PASD1: variants seen among roughly 807,000 people sequenced by gnomAD.
PASD1 encodes circadian clock protein PASD1.
Under a neutral mutation model 58.8 loss-of-function variants are expected in PASD1, and 13 were observed. That is an observed-to-expected ratio of 0.22 (90% confidence interval 0.14 to 0.35). The LOEUF (loss-of-function observed/expected upper bound fraction) is 0.35. PASD1 is among the 10% of genes least tolerant of loss of function. PASD1 has a pLI of 1.00. For synonymous variants in PASD1, 236 were observed against 216.7 expected, an observed-to-expected ratio of 1.09 and a Z score of -0.78; for missense variants, 734 against 568.3, an observed-to-expected ratio of 1.29 and a Z score of -2.96.
chrX:151,565,230 A>G (rs953642674), intron 1 of PASD1, among the ~76,000 whole-genome samples: 1 of 112,386 alleles, frequency 8.9e-6, no homozygotes, highest in Non-Finnish European at 1.9e-5. Flanking sequence ...ACTGAGGGGT[A>G]AAGACACTCA....
chrX:151,602,477 C>T (rs2013430934), intron 2 of PASD1, among the ~76,000 whole-genome samples: 1 of 110,777 alleles, frequency 9.0e-6, no homozygotes, highest in East Asian at 2.9e-4. Flanking sequence ...GGTGGATCAC[C>T]TGAGGTCAGG....
chrX:151,664,474 T>C, intron 11 of PASD1, 126 bp downstream of exon 11: 1 of 1,052,607 alleles, frequency 9.5e-7, no homozygotes, highest in Non-Finnish European at 1.3e-6. Flanking sequence ...TTTTCAAAAC[T>C]ATATCACTAT....
chrX:151,592,679 G>A (rs183015891), intron 1 of PASD1, among the ~76,000 whole-genome samples: 1 of 111,250 alleles, frequency 9.0e-6, no homozygotes, highest in African/African-American at 3.3e-5. Context: ...ATATTTGAGG[G>A]GTTTCCAGAT....
chrX:151,655,103 G>T (rs1470430980), intron 9 of PASD1, among the ~76,000 whole-genome samples: 2 of 111,221 alleles, frequency 1.8e-5, no homozygotes, highest in African/African-American at 6.5e-5. Context: ...AACATGCGGT[G>T]TTTGGTTTTT....
chrX:151,598,432 A>C (rs772261619), intron 1 of PASD1, among the ~76,000 whole-genome samples: 4 of 111,407 alleles, frequency 3.6e-5, no homozygotes, highest in African/African-American at 1.3e-4. Flanking sequence ...TGATTTATCC[A>C]GATTGGGTCA....
intron 1 of PASD1, among the ~76,000 whole-genome samples, chrX:151,588,105 G>A (rs923216589): frequency 4.5e-5 from 5 of 111,662 alleles, no homozygotes; most frequent in African/African-American, 1.6e-4. Context: ...TTGATGAAAT[G>A]TGCCATAATG....
At chrX:151,623,131 C>T in intron 7 of PASD1, 67 bp downstream of exon 7, 4 of 1,140,209 alleles carry the variant, frequency 3.5e-6, no homozygotes, top group Non-Finnish European at 4.7e-6. Context: ...GGTCACTTCC[C>T]CTTTGGTCTG....
In PASD1 at chrX:151,672,388, A is replaced by G; in HGVS notation, c.1643A>G (p.Lys548Arg). The part of the protein sequence containing the change: ...QKKKKLQERK[K>R]WQGQMLQKEP... ...AAGAAGAAGCTACAGGAGCGGAAGAAGTGGCAGGGGCAGATGCTACAGAAA... is the reference window on the plus strand; with the variant it reads ...AAGAAGAAGCTACAGGAGCGGAAGAGGTGGCAGGGGCAGATGCTACAGAAA... The change falls in exon 14 of 16, where the codon AAG becomes AGG. Residue 548 changes from lysine to arginine, a missense_variant. Coordinates refer to ENST00000370357, the MANE Select transcript of PASD1 (RefSeq NM_173493.3). 3 of 1,208,993 alleles carry G rather than the reference A, an allele frequency of 2.5e-6. No individual in the cohort carries two copies. Among genetic ancestry groups the G allele is most frequent in the Non-Finnish European group, 3.4e-6 (3 of 893,934 alleles).
At chrX:151,651,574 T>C (rs1257040948) in intron 9 of PASD1, among the ~76,000 whole-genome samples, 1 of 111,988 alleles carries the variant, frequency 8.9e-6, no homozygotes, top group Non-Finnish European at 1.9e-5. Flanking sequence ...TAGGGAATAA[T>C]CATGAGAGCA....
At position 151,672,215 on chromosome X, in the gene PASD1, G is replaced by T; in HGVS notation, c.1470G>T (p.Lys490Asn). Residue 490 changes from lysine to asparagine, a missense_variant, in exon 14 of 16, where the codon AAG (lysine) becomes AAT (asparagine). Coordinates refer to ENST00000370357, the MANE Select transcript of PASD1 (RefSeq NM_173493.3). ...TGGTGCAGCAAGAACAACACCTGAA[G>T]GAGCAGCAGCGGCAGCTGCGGGAGC... ...QQLVQQEQHL[K>N]EQQRQLREQL... The T allele has an allele frequency of 8.8e-7, 1 of 1,136,155 alleles. No individual in the cohort carries two copies. Among genetic ancestry groups the T allele is most frequent in the Non-Finnish European group, 1.2e-6 (1 of 850,550 alleles). The allele number at this position is 1,136,155 out of a possible 1,213,427, so 93.6% of individuals were successfully genotyped here.
intron 3 of PASD1, among the ~76,000 whole-genome samples, chrX:151,609,044 T>A (rs1240023103): frequency 1.8e-5 from 2 of 111,723 alleles, no homozygotes; most frequent in East Asian, 2.8e-4. Context: ...TTTTTTGTTT[T>A]ATTAATTTCT....
chrX:151,652,673 A>C (rs1354632650), intron 9 of PASD1, among the ~76,000 whole-genome samples: 1 of 111,832 alleles, frequency 8.9e-6, no homozygotes, highest in Non-Finnish European at 1.9e-5. Flanking sequence ...TACAGTATTA[A>C]ATATAAGCAA....
chrX:151,602,614 T>C (rs2013433536), intron 2 of PASD1, among the ~76,000 whole-genome samples: 1 of 110,547 alleles, frequency 9.0e-6, no homozygotes, highest in Admixed American at 9.7e-5. Context: ...GACAATGGCT[T>C]GAACCTGGAA....
At chrX:151,573,846 C>T (rs1478724957) in intron 1 of PASD1, among the ~76,000 whole-genome samples, 1 of 111,655 alleles carries the variant, frequency 9.0e-6, no homozygotes, top group Non-Finnish European at 1.9e-5. Flanking sequence ...GGGTGACAGG[C>T]TGAGACAGTT....
intron 4 of PASD1, among the ~76,000 whole-genome samples, chrX:151,614,333 G>A (rs751288387): frequency 4.5e-5 from 5 of 111,124 alleles, no homozygotes; most frequent in Non-Finnish European, 9.4e-5. Flanking sequence ...ATCTCCAAAG[G>A]CCCCACCTCT....
intron 1 of PASD1, among the ~76,000 whole-genome samples, chrX:151,569,156 A>G (rs1602897646): frequency 2.7e-5 from 3 of 112,388 alleles, no homozygotes; most frequent in African/African-American, 9.7e-5. Flanking sequence ...AGTTGGGAGA[A>G]TGAACTTGTA....
At chrX:151,564,337 T>C (rs1040071171) in intron 1 of PASD1, among the ~76,000 whole-genome samples, 12 of 111,843 alleles carry the variant, frequency 1.1e-4, no homozygotes, top group African/African-American at 3.6e-4. Context: ...TTTCAGCAGA[T>C]TGAGCAGTTT....
At chrX:151,592,453 G>A (rs903202135) in intron 1 of PASD1, among the ~76,000 whole-genome samples, 5 of 111,644 alleles carry the variant, frequency 4.5e-5, no homozygotes, top group Non-Finnish European at 9.4e-5. Flanking sequence ...CATGAAAAAC[G>A]GGTTTGAATA....
In PASD1 at chrX:151,625,458, C is replaced by T. The variant is rs972994237; in HGVS notation, c.557C>T (p.Thr186Ile). 3 of 1,207,768 alleles carry T rather than the reference C, an allele frequency of 2.5e-6. No individual in the cohort carries two copies. Among genetic ancestry groups the T allele is most frequent in the African/African-American group, 1.7e-5 (1 of 57,739 alleles). Residue 186 changes from threonine to isoleucine, a missense_variant, in exon 8 of 16, where the codon ACT (threonine) becomes ATT (isoleucine). Thr to Ile is a moderately conservative substitution (Grantham distance 89). Transcript: ENST00000370357. ...TGAATTTTTCTGCAGCAACTTTACA[C>T]TTCAAAGGCAGTCAGTGATGAAGCT... ...LRTQLLQQLY[T>I]SKAVSDEAVL... is the part of the protein sequence containing the mutation.
Sources: gnomAD v4.1 joint callset for allele counts (sites outside exome capture counted in the v4.1 genomes callset) on GRCh38, gnomAD v4.1.1 for gene constraint, MANE v1.5 for transcripts, NCBI Gene and HGNC (gene_info 2026-07-23, HGNC 2026-07-21) for gene names.